CACNA1C: variants seen among roughly 807,000 people sequenced by gnomAD.
CACNA1C encodes the protein calcium voltage-gated channel subunit alpha1 C, also known as voltage-dependent L-type calcium channel subunit alpha-1C.
A neutral mutation model predicts 229.0 loss-of-function variants in CACNA1C; 30 were observed. The observed-to-expected ratio is 0.13, with a 90% CI of 0.10 to 0.18. The LOEUF is 0.18. Ranked by LOEUF, CACNA1C falls within the 10% of genes least tolerant of loss-of-function variation. The pLI, the probability that CACNA1C is intolerant of heterozygous loss-of-function variation, is 1.00. For synonymous variants in CACNA1C, 1,114 were observed against 1,132.5 expected, an observed-to-expected ratio of 0.98 and a Z score of 0.33; for missense variants, 1,658 against 2,845.0, an observed-to-expected ratio of 0.58 and a Z score of 9.49.
At position 2,601,896 on chromosome 12, in the gene CACNA1C, C is replaced by T. The variant is rs1053901806; in HGVS notation, c.2896C>T (p.Arg966Trp). ...GAFLHKGSFC[R>W]NYFNILDLLV... ...TTTCTTGCACAAGGGTTCTTTCTGCCGGAACTACTTCAACATCCTGGACCT... is the reference window on the plus strand; with the variant it reads ...TTTCTTGCACAAGGGTTCTTTCTGCTGGAACTACTTCAACATCCTGGACCT... The change falls in exon 22 of 47, where the codon CGG (arginine) becomes TGG (tryptophan). Residue 966 changes from arginine (R) to tryptophan (W), a missense_variant. Physicochemically the swap from Arg to Trp is moderately radical, Grantham distance 101. Coordinates refer to ENST00000399655, the MANE Select transcript of CACNA1C (RefSeq NM_000719.7). The surrounding 1 kb of genome is among the most constrained non-coding windows in gnomAD (Gnocchi z 5.9). 6.2e-7 allele frequency: 1 copy of T among 1,613,900 alleles called. No homozygotes were observed.
chr12:2,430,821 A>G (rs1343080890), intron 3 of CACNA1C, among the ~76,000 whole-genome samples: 3 of 152,056 alleles, frequency 2.0e-5, no homozygotes, highest in Non-Finnish European at 4.4e-5. Context: ...CATGGAGCCC[A>G]ATCCCCACAG....
At chr12:2,264,364 T>C (rs1394955073) in intron 3 of CACNA1C, among the ~76,000 whole-genome samples, 1 of 152,158 alleles carries the variant, frequency 6.6e-6, no homozygotes, top group Non-Finnish European at 1.5e-5. Flanking sequence ...AATTGGCAGA[T>C]CAGAAGCCCT....
intron 38 of CACNA1C, 197 bp from the exon 39 acceptor site, chr12:2,674,344 G>A: frequency 1.4e-6 from 1 of 736,690 alleles, no homozygotes. Flanking sequence ...GGGAAGGAAG[G>A]AAGGTGGACA....
chr12:2,197,465 T>C (rs2097443371), intron 3 of CACNA1C, among the ~76,000 whole-genome samples: 1 of 152,208 alleles, frequency 6.6e-6, no homozygotes, highest in Admixed American at 6.5e-5. Context: ...ATTTTAAAAA[T>C]TAAGACTCAG....
rs140758125 is a variant in CACNA1C at position 2,519,881 on chromosome 12, G to A, written c.1390+6897G>A. Among the ~76,000 whole-genome samples the A allele has an allele frequency of 3.2e-4, 49 of 152,370 alleles. No homozygotes were observed. The East Asian group carries it at 8.3e-3, about 26-fold the overall frequency. ...ATTACCTTTGGAGCACAGCCTGGCT[G>A]CTGTGCTATCTGGCCCCGTAAGTGT... On this transcript the variant is annotated intron_variant, in intron 9 of 46. Coordinates refer to ENST00000399655, the MANE Select transcript of CACNA1C (RefSeq NM_000719.7).
At position 2,100,466 on chromosome 12, in the gene CACNA1C, C is replaced by CA. The variant is rs1204435262; in HGVS notation, c.50-14745dup. 7.4e-3 allele frequency among the ~76,000 whole-genome samples: 315 copies of CA among 42,350 alleles called. 4 individuals carry two copies. Among genetic ancestry groups the CA allele is most frequent in the African/African-American group, 0.019 (249 of 12,840 alleles). 27.8% of individuals were successfully genotyped at this position (42,350 alleles called of 152,430 possible). On this transcript the variant is annotated intron_variant, in intron 1 of 46. Coordinates refer to ENST00000399655, the MANE Select transcript of CACNA1C (RefSeq NM_000719.7). Reference sequence around the variant, plus strand: ...TGGGAGACAGAGCGAGACTCCATCTCAAAAAAAAAAAAACAAAAAAAAAAA... The same window carrying CA: ...TGGGAGACAGAGCGAGACTCCATCTCAAAAAAAAAAAAAACAAAAAAAAAAA...
chr12:2,242,465 C>G lies in CACNA1C; in HGVS notation c.477+122035C>G, dbSNP rs1479836421. Reference sequence around the variant, plus strand: ...AGCAGACGGTCATCACTGAGGAAGTCTGTGCCCGCTGTTATGAGCTCTTCT... The same window carrying G: ...AGCAGACGGTCATCACTGAGGAAGTGTGTGCCCGCTGTTATGAGCTCTTCT... On this transcript the variant is annotated intron_variant, in intron 3 of 46. Transcript: ENST00000399655. 3.3e-5 allele frequency among the ~76,000 whole-genome samples: 5 copies of G among 152,194 alleles called. No individual in the cohort carries two copies. The East Asian group carries it at 9.6e-4, about 29-fold the overall frequency.
At chr12:2,592,987 G>A (rs568609776) in intron 18 of CACNA1C, among the ~76,000 whole-genome samples, 3 of 152,204 alleles carry the variant, frequency 2.0e-5, no homozygotes, top group Non-Finnish European at 4.4e-5. Context: ...ACCAGAACAA[G>A]TTGGTCGCCC....
At chr12:2,396,110 C>T (rs959724806) in intron 3 of CACNA1C, among the ~76,000 whole-genome samples, 2 of 152,010 alleles carry the variant, frequency 1.3e-5, no homozygotes, top group Non-Finnish European at 2.9e-5. Context: ...AGTGTGTGTG[C>T]GTGGTGTCTT....
chr12:2,462,454 T>C (rs2099516812), intron 5 of CACNA1C, among the ~76,000 whole-genome samples: 1 of 152,132 alleles, frequency 6.6e-6, no homozygotes, highest in South Asian at 2.1e-4. Flanking sequence ...CCTCTCACCA[T>C]CTGCCATTCT....
chr12:2,604,519 G>A (rs2074350144), intron 22 of CACNA1C, among the ~76,000 whole-genome samples: 1 of 152,108 alleles, frequency 6.6e-6, no homozygotes, highest in Admixed American at 6.5e-5. Flanking sequence ...CCGTTAGTAC[G>A]GCATTCCTTT....
chr12:2,395,894 C>T (rs1199589126), intron 3 of CACNA1C, among the ~76,000 whole-genome samples: 1 of 152,196 alleles, frequency 6.6e-6, no homozygotes, highest in Non-Finnish European at 1.5e-5. Context: ...GGCACAAACA[C>T]ACGTCATCTT....
intron 1 of CACNA1C, among the ~76,000 whole-genome samples, chr12:2,041,909 C>T (rs1474346438): frequency 1.3e-5 from 2 of 152,168 alleles, no homozygotes; most frequent in East Asian, 1.9e-4. Flanking sequence ...GCTTGCAGAT[C>T]CCCCCAAAAG....
intron 3 of CACNA1C, among the ~76,000 whole-genome samples, chr12:2,154,464 G>A (rs988213206): frequency 6.6e-5 from 10 of 152,198 alleles, no homozygotes; most frequent in African/African-American, 2.2e-4. Flanking sequence ...GCAGCCTGGC[G>A]CCCACTTAAC....
chr12:2,446,846 G>A (rs2099297497), intron 3 of CACNA1C, among the ~76,000 whole-genome samples: 1 of 150,544 alleles, frequency 6.6e-6, no homozygotes, highest in African/African-American at 2.4e-5. Context: ...ATGGATGGAT[G>A]AATGGATGAA....
intron 3 of CACNA1C, among the ~76,000 whole-genome samples, chr12:2,367,564 C>T (rs1260992680): frequency 6.6e-6 from 1 of 152,104 alleles, no homozygotes; most frequent in Non-Finnish European, 1.5e-5. Context: ...TATCCATATT[C>T]TGTACAGGAG....
In CACNA1C at chr12:2,009,844, C is replaced by T. The variant is rs978214196; in HGVS notation, c.139+38643C>T. ...AACTAGTTTCACCTCTTTCTATCTACGTGACCTTCAACAAATGACCTCACC... is the reference window on the plus strand; with the variant it reads ...AACTAGTTTCACCTCTTTCTATCTATGTGACCTTCAACAAATGACCTCACC... On this transcript the variant is annotated intron_variant, in intron 1 of 46. Transcript: ENST00000682462. 7.2e-5 allele frequency among the ~76,000 whole-genome samples: 11 copies of T among 152,180 alleles called. No homozygotes were observed. The South Asian group carries it at 8.3e-4, about 11-fold the overall frequency.
At chr12:2,441,902 G>T (rs963393572) in intron 3 of CACNA1C, among the ~76,000 whole-genome samples, 1 of 152,156 alleles carries the variant, frequency 6.6e-6, no homozygotes, top group Non-Finnish European at 1.5e-5. Context: ...AAGAGGGGAT[G>T]GGGAGTCAAA....
intron 3 of CACNA1C, among the ~76,000 whole-genome samples, chr12:2,294,536 G>A (rs1359716867): frequency 6.6e-6 from 1 of 152,038 alleles, no homozygotes; most frequent in Non-Finnish European, 1.5e-5. Flanking sequence ...AACCATCGCG[G>A]TAGGCCTGAT....
Sources: allele counts gnomAD v4.1 joint callset (sites outside exome capture counted in the v4.1 genomes callset), GRCh38; gene constraint gnomAD v4.1.1; non-coding constraint Gnocchi (gnomAD v3.1); transcripts MANE v1.5; gene names NCBI Gene and HGNC (gene_info 2026-07-23, HGNC 2026-07-21).